PKHD1L1: variants seen among roughly 807,000 people sequenced by gnomAD.
PKHD1L1 encodes fibrocystin-L.
A neutral mutation model predicts 462.9 loss-of-function variants in PKHD1L1; 434 were observed. The ratio of observed to expected loss-of-function variants is 0.94; its 90% CI spans 0.87 to 1.02. The LOEUF (loss-of-function observed/expected upper bound fraction) is 1.02, where lower values mean the gene tolerates loss of function less well. Ranked by LOEUF, PKHD1L1 falls within the 50% of genes least tolerant of loss-of-function variation. The probability of loss-of-function intolerance (pLI) is 0.00; values close to 1 mark genes in which losing one functional copy is unlikely to be tolerated. For missense variants in PKHD1L1, 5,202 were observed against 5,096.1 expected (o/e 1.02, Z -0.63); for synonymous variants, 1,781 against 1,750.0 (o/e 1.02, Z -0.44).
chr8:109,443,885 C>T lies in PKHD1L1; in HGVS notation c.4774C>T (p.Leu1592Phe). The T allele has an allele frequency of 6.2e-7, 1 of 1,608,692 alleles. No homozygotes were observed. The highest frequency in any genetic ancestry group is 8.5e-7 in the Non-Finnish European group (1 of 1,175,292). The change falls in exon 37 of 78, where the codon CTC becomes TTC. Residue 1592 changes from leucine (L) to phenylalanine (F), a missense_variant. Transcript: ENST00000378402. ...ITIIGHGFSN[L>F]PWANKVTIGS... ...AATTATTGGACATGGCTTTAGTAATCTCCCATGGGCTAATAAGGTAAGAAT... is the reference window on the plus strand; with the variant it reads ...AATTATTGGACATGGCTTTAGTAATTTCCCATGGGCTAATAAGGTAAGAAT...
rs371141801 is a variant in PKHD1L1 at position 109,466,700 on chromosome 8, C to T, written c.8536C>T (p.Arg2846Cys). ...SVCDASVSFHRLAFNQPSPVS... is the reference protein window; with the variant it reads ...SVCDASVSFHCLAFNQPSPVS... ...CTGTGATGCTTCAGTCAGCTTTCAC[C>T]GTTTAGCGTTCAACCAGCCTTCTCC... Residue 2846 changes from arginine (R) to cysteine (C), a missense_variant, in exon 50 of 78, where the codon CGT becomes TGT. Around this residue, in one of 3 missense-constraint regions of PKHD1L1, gnomAD observed 4,497 missense variants for 4,336.8 expected, o/e 1.04. Transcript: ENST00000378402. 3.1e-6 allele frequency: 5 copies of T among 1,612,784 alleles called. No individual in the cohort carries two copies. Among genetic ancestry groups the T allele is most frequent in the Middle Eastern group, 1.7e-4 (1 of 6,056 alleles).
At chr8:109,418,095 A>G (rs905876966) in intron 21 of PKHD1L1, among the ~76,000 whole-genome samples, 8 of 152,218 alleles carry the variant, frequency 5.3e-5, no homozygotes, top group African/African-American at 1.9e-4. Context: ...CACAGTGTAC[A>G]GTTCAGTTTT....
At chr8:109,520,594 T>G (rs1031351631) in intron 73 of PKHD1L1, among the ~76,000 whole-genome samples, 3 of 152,090 alleles carry the variant, frequency 2.0e-5, no homozygotes, top group Non-Finnish European at 2.9e-5. Context: ...GCGATAGTGT[T>G]TCAAGTCTCA....
At chr8:109,394,804 C>T (rs1344915694) in intron 10 of PKHD1L1, among the ~76,000 whole-genome samples, 2 of 152,198 alleles carry the variant, frequency 1.3e-5, no homozygotes, top group African/African-American at 4.8e-5. Flanking sequence ...TCAATCTTAA[C>T]CAAAACCAGT....
At chr8:109,490,545 C>G (rs142845087) in intron 60 of PKHD1L1, among the ~76,000 whole-genome samples, 2 of 151,766 alleles carry the variant, frequency 1.3e-5, no homozygotes, top group African/African-American at 4.8e-5. Context: ...AAACCCCTAA[C>G]CTGTTCACTG....
At chr8:109,519,871 C>T (rs1563634578) in intron 73 of PKHD1L1, among the ~76,000 whole-genome samples, 1 of 152,124 alleles carries the variant, frequency 6.6e-6, no homozygotes, top group Non-Finnish European at 1.5e-5. Context: ...CCCTATCTAC[C>T]TGTGTTCAGT....
intron 13 of PKHD1L1, among the ~76,000 whole-genome samples, chr8:109,400,817 T>C (rs958491176): frequency 6.6e-6 from 1 of 152,240 alleles, no homozygotes; most frequent in South Asian, 2.1e-4. Context: ...TAATACTCTA[T>C]TGAACATCTA....
chr8:109,511,484 G>T (rs918796582), intron 71 of PKHD1L1, among the ~76,000 whole-genome samples: 1 of 151,338 alleles, frequency 6.6e-6, no homozygotes, highest in Non-Finnish European at 1.5e-5. Flanking sequence ...TGAGAATGAT[G>T]ATTTCCAATT....
intron 21 of PKHD1L1, among the ~76,000 whole-genome samples, chr8:109,415,005 TTATTA>T (rs1172117549): frequency 7.8e-6 from 1 of 127,960 alleles, no homozygotes; most frequent in Non-Finnish European, 1.7e-5. Flanking sequence ...ATTATTATTA[TTATTA>T]TTTTTGAGAC....
chr8:109,521,641 G>A (rs1820555201), intron 73 of PKHD1L1, among the ~76,000 whole-genome samples: 1 of 140,084 alleles, frequency 7.1e-6, no homozygotes, highest in South Asian at 2.6e-4. Context: ...CCCCAGACCT[G>A]CCATGCTAGA....
chr8:109,373,219 T>C (rs1811612916), intron 2 of PKHD1L1, among the ~76,000 whole-genome samples: 1 of 152,198 alleles, frequency 6.6e-6, no homozygotes, highest in Non-Finnish European at 1.5e-5. Flanking sequence ...AACTTCTTCC[T>C]GGTTTAGTCT....
chr8:109,486,505 T>C (rs1018411276), intron 58 of PKHD1L1, 143 bp from the exon 59 acceptor site: 8 of 601,476 alleles, frequency 1.3e-5, no homozygotes, highest in Non-Finnish European at 1.9e-5. Flanking sequence ...GCCATCTATA[T>C]ATGTTTAACA....
Position 109,452,294 on chromosome 8 carries a change from T to C in PKHD1L1, c.6507+14T>C, listed in dbSNP as rs896918583. The stretch of plus-strand genomic sequence containing the variant: ...ATGGCCAAACTGGTAATAGTGCTGT[T>C]GGGTATAGTAATCACAGCAATAGAA... On this transcript the variant is annotated intron_variant, in intron 42 of 77. Coordinates refer to ENST00000378402, the MANE Select transcript of PKHD1L1 (RefSeq NM_177531.6). 2.5e-6 allele frequency: 4 copies of C among 1,570,634 alleles called. No homozygotes were observed. The African/African-American group carries it at 5.4e-5, about 21-fold the overall frequency.
Position 109,445,130 on chromosome 8 carries a change from TC to T in PKHD1L1, c.5262del (p.Phe1755SerfsTer6), listed in dbSNP as rs749405989. 27 of 1,613,676 alleles carry T rather than the reference TC, an allele frequency of 1.7e-5. No individual in the cohort carries two copies. In the African/African-American group the frequency reaches 3.2e-4, roughly 19 times the overall value. On this transcript the variant is annotated frameshift_variant, in exon 38 of 78. Coordinates refer to ENST00000378402, the MANE Select transcript of PKHD1L1 (RefSeq NM_177531.6). LOFTEE classifies it high-confidence loss of function. Reference sequence around the variant, plus strand: ...AGCATCACTCCTTACATAACAGGAGTCTTCCCAAACTCTGTCATAGGATCTG... The same window carrying T: ...AGCATCACTCCTTACATAACAGGAGTTTCCCAAACTCTGTCATAGGATCTG... ...LESITPYITGVFPNSVIGSVK... is the reference protein window; with the variant it reads ...LESITPYITGXFPNSVIGSVK...
intron 34 of PKHD1L1, 21 bp downstream of exon 34, chr8:109,441,400 A>G (rs1392431339): frequency 7.5e-7 from 1 of 1,336,606 alleles, no homozygotes; most frequent in Non-Finnish European, 1.0e-6. Flanking sequence ...TTTATATACT[A>G]TGAAATAATG....
chr8:109,516,490 C>A lies in PKHD1L1; in HGVS notation c.11689+1185C>A, dbSNP rs140452338. ...TCACAATCTCATCTAAACCCTATTT[C>A]TTCCCAAAGGCTCTCATCTCCAAAT... On this transcript the variant is annotated intron_variant, in intron 72 of 77. Coordinates refer to ENST00000378402, the MANE Select transcript of PKHD1L1 (RefSeq NM_177531.6). 5.3e-4 allele frequency among the ~76,000 whole-genome samples: 80 copies of A among 152,136 alleles called. 2 individuals are homozygous for A. In the East Asian group the frequency reaches 0.014, roughly 27 times the overall value.
chr8:109,470,229 T>C (rs1817649834), intron 50 of PKHD1L1: 7 of 1,237,598 alleles, frequency 5.7e-6, no homozygotes, highest in Non-Finnish European at 7.0e-6. Context: ...CTGAGCCTTG[T>C]TGGAAATACT....
rs769172775 is a variant in PKHD1L1 at position 109,448,146 on chromosome 8, C to T, written c.5780C>T (p.Pro1927Leu). The stretch of plus-strand genomic sequence containing the variant: ...GTGTGCTTTTTTTTTTTTTAAGGTC[C>T]ACCAGGAACTGAAATTGAGATCACT... ...FLRGIIPSRG[P>L]PGTEIEITGS... Residue 1927 changes from proline to leucine, a missense_variant, in exon 39 of 78, where the codon CCA (proline) becomes CTA (leucine). Pro to Leu is a moderately conservative substitution (Grantham distance 98). This residue lies in a region of PKHD1L1 where 4,497 missense variants were observed against 4,336.8 expected (regional missense o/e 1.04). Transcript: ENST00000378402. The T allele has an allele frequency of 5.0e-6, 8 of 1,594,236 alleles. No individual in the cohort carries two copies.
At chr8:109,410,066 AT>A (rs1458504640) in intron 19 of PKHD1L1, 88 bp downstream of exon 19, 2 of 723,044 alleles carry the variant, frequency 2.8e-6, no homozygotes, top group Non-Finnish European at 4.2e-6. Context: ...CTGAAGTAGC[AT>A]TAATAACTTT....
Sources: allele counts gnomAD v4.1 joint callset (sites outside exome capture counted in the v4.1 genomes callset), GRCh38; gene constraint gnomAD v4.1.1; regional missense constraint gnomAD v4.1.1; transcripts MANE v1.5; gene names NCBI Gene and HGNC (gene_info 2026-07-23, HGNC 2026-07-21).